IQCJ: variants seen among roughly 807,000 people sequenced by gnomAD.
IQCJ encodes IQ domain-containing protein J.
In IQCJ, 9 loss-of-function variants were observed where a neutral mutation model predicts 11.0. That is an observed-to-expected ratio of 0.82 (90% CI 0.49 to 1.43). The LOEUF (loss-of-function observed/expected upper bound fraction) is 1.43, where lower values mean the gene tolerates loss of function less well. Among genes scored for constraint, IQCJ ranks in the 40% most tolerant of loss-of-function variants. IQCJ has a pLI of 0.00. For synonymous variants in IQCJ, 55 were observed against 51.3 expected (o/e 1.07, Z -0.31); for missense variants, 146 against 133.2 (o/e 1.10, Z -0.47).
rs376455438 is a variant in IQCJ at position 159,184,828 on chromosome 3, AAGTGT to A, written c.10-61011_10-61007del. Among the ~76,000 whole-genome samples, 686 of 152,286 alleles carry A rather than the reference AAGTGT, an allele frequency of 4.5e-3. 4 individuals carry two copies. Among genetic ancestry groups the A allele is most frequent in the African/African-American group, 0.013 (526 of 41,576 alleles). On this transcript the variant is annotated intron_variant, in intron 1 of 3. Transcript: ENST00000397832. The stretch of plus-strand genomic sequence containing the variant: ...AGTATAATTAGAAGGGAGCTTATTA[AAGTGT>A]AGTACAGGTTTACTAAATTTAAGAG...
intron 1 of IQCJ, among the ~76,000 whole-genome samples, chr3:159,208,531 G>T (rs1339794857): frequency 6.6e-6 from 1 of 152,090 alleles, no homozygotes; most frequent in Non-Finnish European, 1.5e-5. Flanking sequence ...CCCTTTCCAG[G>T]GTACTTGTCC....
intron 1 of IQCJ, among the ~76,000 whole-genome samples, chr3:159,150,310 G>C (rs1408201294): frequency 1.3e-5 from 2 of 152,172 alleles, no homozygotes; most frequent in African/African-American, 4.8e-5. Flanking sequence ...TCACCCTGCA[G>C]GGGAGCTCTG....
At chr3:159,138,320 C>T (rs972111576) in intron 1 of IQCJ, among the ~76,000 whole-genome samples, 5 of 152,134 alleles carry the variant, frequency 3.3e-5, no homozygotes, top group African/African-American at 1.2e-4. Context: ...GGACACTTGA[C>T]CTTCTTCCTA....
At chr3:159,259,718 C>A (rs574066966) in intron 3 of IQCJ, among the ~76,000 whole-genome samples, 29 of 152,068 alleles carry the variant, frequency 1.9e-4, no homozygotes, top group Non-Finnish European at 3.8e-4. Context: ...TAGCATAGTT[C>A]CATCATTAAA....
chr3:159,258,398 G>T (rs1056393469), intron 3 of IQCJ, among the ~76,000 whole-genome samples: 3 of 152,196 alleles, frequency 2.0e-5, no homozygotes, highest in African/African-American at 7.2e-5. Context: ...CAGTGATAGG[G>T]TAGGATCTGT....
Position 159,201,627 on chromosome 3 carries a change from C to CTTTTTTTTTT in IQCJ, c.10-44200_10-44191dup, listed in dbSNP as rs71144478. 1.7e-4 allele frequency among the ~76,000 whole-genome samples: 12 copies of CTTTTTTTTTT among 70,308 alleles called. 1 individual carries two copies. The highest frequency in any genetic ancestry group is 1.0e-3 in the East Asian group (2 of 1,972). The allele number at this position is 70,308 out of a possible 152,430, so 46.1% of individuals were successfully genotyped here. ...AGAAACAAAACTGTTGATAATGATT[C>CTTTTTTTTTT]TTTTTTTTTTTTTTTTTTTTTTTTT... On this transcript the variant is annotated intron_variant, in intron 1 of 3. Coordinates refer to ENST00000397832, the MANE Select transcript of IQCJ (RefSeq NM_001042706.3).
At chr3:159,124,055 C>A (rs540496196) in intron 1 of IQCJ, among the ~76,000 whole-genome samples, 1 of 152,246 alleles carries the variant, frequency 6.6e-6, no homozygotes, top group South Asian at 2.1e-4. Context: ...TTCAATGCCC[C>A]ACTTGCCTTA....
chr3:159,114,918 C>T (rs774183306), intron 1 of IQCJ, among the ~76,000 whole-genome samples: 1 of 152,192 alleles, frequency 6.6e-6, no homozygotes, highest in African/African-American at 2.4e-5. Flanking sequence ...GTTTCCTGCC[C>T]CCCTGCCCCC....
chr3:159,180,891 G>T (rs1465088530), intron 1 of IQCJ, among the ~76,000 whole-genome samples: 2 of 151,892 alleles, frequency 1.3e-5, no homozygotes, highest in African/African-American at 4.9e-5. Context: ...TTGTCATCAA[G>T]TTATATGTCC....
chr3:159,204,269 C>T (rs1328643743), intron 1 of IQCJ, among the ~76,000 whole-genome samples: 1 of 152,250 alleles, frequency 6.6e-6, no homozygotes, highest in Non-Finnish European at 1.5e-5. Context: ...ACTGCAGCCT[C>T]AGCTCCGATG....
chr3:159,233,854 G>T (rs1309117010), intron 1 of IQCJ, among the ~76,000 whole-genome samples: 1 of 152,312 alleles, frequency 6.6e-6, no homozygotes, highest in African/African-American at 2.4e-5. Flanking sequence ...ACATAGTATT[G>T]TATAGGAGGC....
intron 3 of IQCJ, 81 bp from the exon 4 acceptor site, chr3:159,262,467 C>T: frequency 6.5e-7 from 1 of 1,543,198 alleles, no homozygotes; most frequent in Non-Finnish European, 8.7e-7. Context: ...CTTCAGACTC[C>T]TTGTGAGTTT....
chr3:159,094,295 A>T (rs1167254576), intron 1 of IQCJ, among the ~76,000 whole-genome samples: 1 of 151,710 alleles, frequency 6.6e-6, no homozygotes, highest in African/African-American at 2.4e-5. Flanking sequence ...TATTGTAGAA[A>T]CCAGATATTA....
chr3:159,201,900 T>C (rs187533959), intron 1 of IQCJ, among the ~76,000 whole-genome samples: 3 of 152,316 alleles, frequency 2.0e-5, no homozygotes, highest in East Asian at 3.9e-4. Flanking sequence ...GGTTGGTGAA[T>C]AGGACTTGCC....
intron 1 of IQCJ, among the ~76,000 whole-genome samples, chr3:159,077,624 TA>T (rs1317456755): frequency 6.6e-6 from 1 of 152,260 alleles, no homozygotes; most frequent in African/African-American, 2.4e-5. Flanking sequence ...GATACTGTGT[TA>T]AAAATAGTTA....
intron 1 of IQCJ, among the ~76,000 whole-genome samples, chr3:159,089,525 G>C (rs1365859410): frequency 6.6e-6 from 1 of 151,836 alleles, no homozygotes; most frequent in Non-Finnish European, 1.5e-5. Flanking sequence ...TTTCCAGCTT[G>C]GTTCCATTCT....
Position 159,082,502 on chromosome 3 carries a change from A to G in IQCJ, c.9+13061A>G, listed in dbSNP as rs528971182. On this transcript the variant is annotated intron_variant, in intron 1 of 3. Transcript: ENST00000397832. ...AGGGGAAAGATATGTGAAAAAGGTG[A>G]CCTTCCAGCTAGTGTTGAGGCGAGA... Among the ~76,000 whole-genome samples the G allele has an allele frequency of 3.9e-5, 6 of 152,010 alleles. No homozygotes were observed. In the South Asian group the frequency reaches 1.2e-3, roughly 32 times the overall value.
At chr3:159,216,339 A>G (rs149457228) in intron 1 of IQCJ, among the ~76,000 whole-genome samples, 58 of 152,158 alleles carry the variant, frequency 3.8e-4, no homozygotes, top group African/African-American at 1.4e-3. Context: ...AAATAATGCT[A>G]TTTCTCCTCC....
At chr3:159,127,269 C>T (rs149408584) in intron 1 of IQCJ, among the ~76,000 whole-genome samples, 2 of 152,240 alleles carry the variant, frequency 1.3e-5, no homozygotes, top group Non-Finnish European at 2.9e-5. Context: ...AAGTTTCCAC[C>T]AGGCAGAGGG....
Sources: gnomAD v4.1 joint callset for allele counts (sites outside exome capture counted in the v4.1 genomes callset) on GRCh38, gnomAD v4.1.1 for gene constraint, MANE v1.5 for transcripts, NCBI Gene and HGNC (gene_info 2026-07-23, HGNC 2026-07-21) for gene names.